Variants in SLC25A35 observed in about 807,000 individuals in gnomAD.
The protein encoded by SLC25A35 is solute carrier family 25, member 35.
SLC25A35 carries 32 observed loss-of-function variants against 30.5 expected under a neutral mutation model. That is an observed-to-expected ratio of 1.05 (90% CI 0.79 to 1.41). SLC25A35 has a LOEUF of 1.41. SLC25A35 is among the 40% of genes most tolerant of loss of function. The pLI, the probability that SLC25A35 is intolerant of heterozygous loss-of-function variation, is 0.00. For missense variants in SLC25A35, 369 were observed against 388.0 expected (o/e 0.95, Z 0.41); for synonymous variants, 142 against 158.1 (o/e 0.90, Z 0.77).
intron 1 of SLC25A35, among the ~76,000 whole-genome samples, chr17:8,293,552 CTTT>C (rs3033783): frequency 0.035 from 4,539 of 129,152 alleles, 106 homozygotes; most frequent in South Asian, 0.15. Context: ...TCTTTCTTTT[CTTT>C]TTTTTTTTTT....
At chr17:8,293,974 G>C (rs1328159916) in intron 1 of SLC25A35, among the ~76,000 whole-genome samples, 1 of 143,088 alleles carries the variant, frequency 7.0e-6, no homozygotes, top group Non-Finnish European at 1.5e-5. Flanking sequence ...GGAGTGCAGT[G>C]ACCGGATCTC....
chr17:8,290,534 G>T lies in SLC25A35; in HGVS notation c.874C>A (p.Arg292Ser), dbSNP rs957136739. 1.3e-6 allele frequency: 2 copies of T among 1,535,930 alleles called. No homozygotes were observed. Among genetic ancestry groups the T allele is most frequent in the Admixed American group, 3.9e-5 (2 of 50,962 alleles). Reference protein sequence around the residue: ...ILSLFFWDQLRSLYYTDTK With the variant: ...ILSLFFWDQLSSLYYTDTK ...TTAGTGTCTGTGTAGTAGAGGGAGC[G>T]CAGCTGGTCCCAGAAGAAGAGGGAG... Residue 292 changes from arginine (R) to serine (S), a missense_variant, in exon 5 of 5, where the codon CGC becomes AGC. By Grantham distance (110) the Arg-to-Ser change is moderately radical. Transcript: ENST00000577745.
At position 8,294,642 on chromosome 17, in the gene SLC25A35, C is replaced by T; in HGVS notation, c.166G>A (p.Val56Met). Reference protein sequence around the residue: ...VFHAFITIGKVDGLAALQKGL... With the variant: ...VFHAFITIGKMDGLAALQKGL... Reference sequence around the variant, plus strand: ...TTCTGCAGGGCAGCAAGGCCATCCACCTTGCCGATGGTGATGAAGGCATGG... The same window carrying T: ...TTCTGCAGGGCAGCAAGGCCATCCATCTTGCCGATGGTGATGAAGGCATGG... Residue 56 changes from valine (V) to methionine (M), a missense_variant, in exon 1 of 5, where the codon GTG (valine) becomes ATG (methionine). Transcript: ENST00000577745. 1 of 1,614,198 alleles carries T rather than the reference C, an allele frequency of 6.2e-7. No homozygotes were observed. Among genetic ancestry groups the T allele is most frequent in the Non-Finnish European group, 8.5e-7 (1 of 1,180,038 alleles).
Position 8,291,503 on chromosome 17 carries a change from G to A in SLC25A35, c.442-18C>T, listed in dbSNP as rs376551637. On this transcript the variant is annotated intron_variant, in intron 2 of 4. Transcript: ENST00000577745. ...AACATGCCCTAGTGTGGGGAAGACC[G>A]GGGGTGGGGTTCAGACAGCCCAGCA... 362 of 1,598,464 alleles carry A rather than the reference G, an allele frequency of 2.3e-4. No individual in the cohort carries two copies. Among genetic ancestry groups the A allele is most frequent in the Non-Finnish European group, 3.0e-4 (350 of 1,171,924 alleles).
At chr17:8,288,653 C>A, downstream of SLC25A35, 1 of 1,047,434 alleles carries the variant, frequency 9.5e-7, no homozygotes, top group Non-Finnish European at 1.5e-6. Context: ...AGGGCGGAGC[C>A]AAATCTTAAA....
downstream of SLC25A35, chr17:8,289,705 A>G (rs940830751): frequency 2.5e-6 from 4 of 1,612,410 alleles, no homozygotes; most frequent in African/African-American, 5.3e-5. Context: ...GGAGTGGGCC[A>G]GAGGTTTGGG....
At position 8,291,407 on chromosome 17, in the gene SLC25A35, G is replaced by A. The variant is rs142254568; in HGVS notation, c.520C>T (p.Pro174Ser). ...GLWRGALGGL[P>S]RVIVGSSTQL... ...GTGGAGGAACCGACGATAACTCGGGGCAGGCCGCCCAGAGCCCCACGCCAT... is the reference window on the plus strand; with the variant it reads ...GTGGAGGAACCGACGATAACTCGGGACAGGCCGCCCAGAGCCCCACGCCAT... Residue 174 changes from proline to serine, a missense_variant, in exon 3 of 5, where the codon CCC becomes TCC. Transcript: ENST00000577745. 17 of 1,614,090 alleles carry A rather than the reference G, an allele frequency of 1.1e-5. No homozygotes were observed. In the African/African-American group the frequency reaches 2.1e-4, roughly 20 times the overall value.
At position 8,294,536 on chromosome 17, in the gene SLC25A35, C is replaced by T; in HGVS notation, c.272G>A (p.Gly91Asp). ...GGTGCCTTCGGCTGTGTGCAGGTAG[C>T]CCCCAGCCTCAGCCAGCCCATAGGT... ...LGTYGLAEAG[G>D]YLHTAEGTHS... Residue 91 changes from glycine to aspartate, a missense_variant, in exon 1 of 5, where the codon GGC becomes GAC. By Grantham distance (94) the Gly-to-Asp change is moderately conservative. Coordinates refer to ENST00000577745, the MANE Select transcript of SLC25A35 (RefSeq NM_001320870.2). 5 of 1,613,930 alleles carry T rather than the reference C, an allele frequency of 3.1e-6. No homozygotes were observed. Among genetic ancestry groups the T allele is most frequent in the Non-Finnish European group, 4.2e-6 (5 of 1,180,018 alleles).
At chr17:8,288,620 C>G (rs111476121), downstream of SLC25A35, 1 of 775,436 alleles carries the variant, frequency 1.3e-6, no homozygotes, top group Non-Finnish European at 2.2e-6. Flanking sequence ...AGGGTCTTGG[C>G]GCCGATTGGC....
downstream of SLC25A35, chr17:8,288,459 A>ATCAATCAG (rs1990217813): frequency 2.3e-6 from 1 of 427,782 alleles, no homozygotes; most frequent in Non-Finnish European, 4.4e-6. Flanking sequence ...CAATCAATCA[A>ATCAATCAG]TCAAGAGGAG....
chr17:8,289,001 C>G, downstream of SLC25A35: 4 of 1,614,144 alleles, frequency 2.5e-6, no homozygotes, highest in Non-Finnish European at 3.4e-6. Context: ...TCTGCCATCC[C>G]GTGACGGACC....
chr17:8,291,022 C>T (rs1990454253), intron 3 of SLC25A35, 46 bp from the exon 4 acceptor site: 7 of 1,610,546 alleles, frequency 4.3e-6, no homozygotes, highest in Middle Eastern at 1.7e-4. Context: ...CCAACTATTA[C>T]ACCCCAAGGA....
chr17:8,294,614 C>T lies in SLC25A35; in HGVS notation c.194G>A (p.Gly65Asp). The change falls in exon 1 of 5, where the codon GGC becomes GAC. Residue 65 changes from glycine (G) to aspartate (D), a missense_variant. Gly to Asp is a moderately conservative substitution (Grantham distance 94, BLOSUM62 -1). Coordinates refer to ENST00000577745, the MANE Select transcript of SLC25A35 (RefSeq NM_001320870.2). ...CTGGTACAAGAGGGCGGGGGCCAGG[C>T]CTTTCTGCAGGGCAGCAAGGCCATC... Reference protein sequence around the residue: ...KVDGLAALQKGLAPALLYQFL... With the variant: ...KVDGLAALQKDLAPALLYQFL... 6.2e-7 allele frequency: 1 copy of T among 1,614,172 alleles called. No homozygotes were observed. The highest frequency in any genetic ancestry group is 2.2e-5 in the East Asian group (1 of 44,866).
At position 8,291,019 on chromosome 17, in the gene SLC25A35, T is replaced by C. The variant is rs774153839; in HGVS notation, c.595-43A>G. The C allele has an allele frequency of 1.9e-6, 3 of 1,611,500 alleles. No individual in the cohort carries two copies. In the South Asian group the frequency reaches 3.3e-5, roughly 18 times the overall value. ...AAGAGCGTTGTCAACCAGCCAACTA[T>C]TACACCCCAAGGACAGGACAGTCCC... is the stretch of plus-strand genomic sequence containing the variant. On this transcript the variant is annotated intron_variant, in intron 3 of 4. Coordinates refer to ENST00000577745, the MANE Select transcript of SLC25A35 (RefSeq NM_001320870.2).
downstream of SLC25A35, chr17:8,289,531 C>G: frequency 6.2e-7 from 1 of 1,614,188 alleles, no homozygotes; most frequent in East Asian, 2.2e-5. Flanking sequence ...CTTCATCAGG[C>G]CTTGCTGAGG....
Position 8,293,452 on chromosome 17 carries a change from C to A in SLC25A35, c.376-864G>T, listed in dbSNP as rs148987543. Among the ~76,000 whole-genome samples the A allele has an allele frequency of 4.1e-3, 626 of 152,308 alleles. 14 individuals are homozygous for A. The highest frequency in any genetic ancestry group is 0.014 in the African/African-American group (595 of 41,560). ...CTTTCATGTCTACCGCATTTGTCTC[C>A]CTCGATCCTCCCAATAATCACACAG... On this transcript the variant is annotated intron_variant, in intron 1 of 4. Coordinates refer to ENST00000577745, the MANE Select transcript of SLC25A35 (RefSeq NM_001320870.2).
Position 8,291,460 on chromosome 17 carries a change from A to G in SLC25A35, c.467T>C (p.Ile156Thr), listed in dbSNP as rs1302225717. 1 of 1,614,104 alleles carries G rather than the reference A, an allele frequency of 6.2e-7. No homozygotes were observed. The highest frequency in any genetic ancestry group is 1.7e-5 in the Admixed American group (1 of 60,018). ...CCCCACCAGACCATGTTTCTGGCCA[A>G]TCTCGGTTAGCGCCTGAAACATGCC... Reference protein sequence around the residue: ...HQGMFQALTEIGQKHGLVGLW... With the variant: ...HQGMFQALTETGQKHGLVGLW... The change falls in exon 3 of 5, where the codon ATT becomes ACT. Residue 156 changes from isoleucine to threonine, a missense_variant. Transcript: ENST00000577745.
Position 8,291,454 on chromosome 17 carries a change from T to C in SLC25A35, c.473A>G (p.Gln158Arg). 6.2e-7 allele frequency: 1 copy of C among 1,614,148 alleles called. No homozygotes were observed. ...CCATAACCCCACCAGACCATGTTTC[T>C]GGCCAATCTCGGTTAGCGCCTGAAA... ...GMFQALTEIGQKHGLVGLWRG... is the reference protein window; with the variant it reads ...GMFQALTEIGRKHGLVGLWRG... Residue 158 changes from glutamine (Q) to arginine (R), a missense_variant, in exon 3 of 5, where the codon CAG (glutamine) becomes CGG (arginine). By Grantham distance (43) the Gln-to-Arg change is conservative. Transcript: ENST00000577745.
Position 8,290,369 on chromosome 17 carries a change from A to G in SLC25A35, c.*136T>C. 6.9e-7 allele frequency: 1 copy of G among 1,450,924 alleles called. No homozygotes were observed. The highest frequency in any genetic ancestry group is 1.4e-5 in the African/African-American group (1 of 70,396). 89.9% of individuals were successfully genotyped at this position (1,450,924 alleles called of 1,614,324 possible). On this transcript the variant is annotated 3_prime_UTR_variant, in exon 5 of 5. Coordinates refer to ENST00000577745, the MANE Select transcript of SLC25A35 (RefSeq NM_001320870.2). ...CATCTCTTGTAGTGATTCAACCCTG[A>G]GAACAGATGGGGAGTGGGGTTGGCT...
Sources: allele counts gnomAD v4.1 joint callset (sites outside exome capture counted in the v4.1 genomes callset), GRCh38; gene constraint gnomAD v4.1.1; transcripts MANE v1.5; gene names NCBI Gene and HGNC (gene_info 2026-07-23, HGNC 2026-07-21).